SGCZ: variants seen among roughly 807,000 people sequenced by gnomAD.
SGCZ encodes the protein zeta-sarcoglycan.
SGCZ carries 40 observed loss-of-function variants against 41.3 expected under a neutral mutation model. The observed-to-expected ratio is 0.97, with a 90% CI of 0.75 to 1.26. The LOEUF (loss-of-function observed/expected upper bound fraction) is 1.26, where lower values mean the gene tolerates loss of function less well. Ranked by LOEUF, SGCZ falls within the 50% of genes most tolerant of loss-of-function variation. The pLI is 0.00. For missense variants in SGCZ, 552 were observed against 369.8 expected, an observed-to-expected ratio of 1.49 and a Z score of -4.04; for synonymous variants, 206 against 137.5, an observed-to-expected ratio of 1.50 and a Z score of -3.49.
At chr8:15,130,856 T>G (rs1297117123) in intron 1 of SGCZ, among the ~76,000 whole-genome samples, 3 of 152,158 alleles carry the variant, frequency 2.0e-5, no homozygotes, top group Admixed American at 6.6e-5. Context: ...CTACAAAATC[T>G]ATAAAGTTGA....
rs1798962803 is a variant in SGCZ, at chr8:15,143,767, C to CTTTAA, written c.39+93817_39+93818insTTAAA. On this transcript the variant is annotated intron_variant, in intron 1 of 7. Transcript: ENST00000382080. ...TTTATCTGTGGTCAATCTATTATTA[C>CTTTAA]CTTTTTTTTTTTTTTTTTTTTTTTT... is the stretch of plus-strand genomic sequence containing the variant. 2.7e-4 allele frequency among the ~76,000 whole-genome samples: 2 copies of CTTTAA among 7,396 alleles called. 1 individual carries two copies. The highest frequency in any genetic ancestry group is 0.045 in the Non-Finnish European group (2 of 44). The allele number at this position is 7,396 out of a possible 152,430, so 4.9% of individuals were successfully genotyped here.
At chr8:14,997,440 G>C (rs1263504429) in intron 1 of SGCZ, among the ~76,000 whole-genome samples, 1 of 152,186 alleles carries the variant, frequency 6.6e-6, no homozygotes, top group African/African-American at 2.4e-5. Context: ...ATTTCTGTAA[G>C]TGAATTAATC....
At chr8:14,590,878 T>C (rs921250339) in intron 1 of SGCZ, among the ~76,000 whole-genome samples, 10 of 148,868 alleles carry the variant, frequency 6.7e-5, no homozygotes, top group African/African-American at 1.7e-4. Context: ...AAAGTACTTA[T>C]ACTATATATG....
chr8:14,305,505 T>C (rs1278245762), intron 3 of SGCZ, among the ~76,000 whole-genome samples: 1 of 152,200 alleles, frequency 6.6e-6, no homozygotes, highest in Non-Finnish European at 1.5e-5. Context: ...TTTTATTTGA[T>C]TTTGAATTTC....
chr8:14,808,043 A>C (rs1323079121), intron 1 of SGCZ, among the ~76,000 whole-genome samples: 7 of 152,088 alleles, frequency 4.6e-5, no homozygotes, highest in African/African-American at 7.2e-5. Flanking sequence ...GAAAGCTGAA[A>C]CTGGATCCCT....
rs1406800359 is a variant in SGCZ at position 14,821,455 on chromosome 8, C to A, written c.40-266529G>T. ...AAAACTAAAGATGAGGGAAAACTTC[C>A]AAACTCTTTATGAGGCCAGCATTAT... On this transcript the variant is annotated intron_variant, in intron 1 of 7. Transcript: ENST00000382080. Among the ~76,000 whole-genome samples, 3 of 151,866 alleles carry A rather than the reference C, an allele frequency of 2.0e-5. No homozygotes were observed. The East Asian group carries it at 5.8e-4, about 29-fold the overall frequency.
Position 14,952,599 on chromosome 8 carries a change from A to AATG in SGCZ, c.39+284983_39+284985dup, listed in dbSNP as rs1246899650. Among the ~76,000 whole-genome samples, 7 of 152,302 alleles carry AATG rather than the reference A, an allele frequency of 4.6e-5. No individual in the cohort carries two copies. The East Asian group carries it at 1.3e-3, about 29-fold the overall frequency. Reference sequence around the variant, plus strand: ...CTAGCAAATAATACAATGATTTTGCAATGATGCTTGTTAGTAGAACTATGG... The same window carrying AATG: ...CTAGCAAATAATACAATGATTTTGCAATGATGATGCTTGTTAGTAGAACTATGG... On this transcript the variant is annotated intron_variant, in intron 1 of 7. Coordinates refer to ENST00000382080, the MANE Select transcript of SGCZ (RefSeq NM_139167.4).
At chr8:14,124,581 A>G (rs544334960) in intron 5 of SGCZ, among the ~76,000 whole-genome samples, 1 of 152,342 alleles carries the variant, frequency 6.6e-6, no homozygotes, top group Admixed American at 6.5e-5. Context: ...CAAATTGATT[A>G]TAACATCAAT....
chr8:14,171,369 G>C (rs1804376589), intron 4 of SGCZ, among the ~76,000 whole-genome samples: 2 of 151,664 alleles, frequency 1.3e-5, no homozygotes, highest in African/African-American at 4.8e-5. Flanking sequence ...ATGAAGAGTT[G>C]GTGCAAAGTT....
chr8:14,283,809 A>G lies in SGCZ; in HGVS notation c.336+40294T>C, dbSNP rs569233547. 2.0e-5 allele frequency among the ~76,000 whole-genome samples: 3 copies of G among 152,346 alleles called. No individual in the cohort carries two copies. The South Asian group carries it at 6.2e-4, about 32-fold the overall frequency. On this transcript the variant is annotated intron_variant, in intron 3 of 7. Coordinates refer to ENST00000382080, the MANE Select transcript of SGCZ (RefSeq NM_139167.4). ...CACAACAGCAGCCATAGGCAGTGCC[A>G]TCAACCAATGTCCACTGCTACTTTA...
chr8:14,693,714 C>G (rs1203954651), intron 1 of SGCZ, among the ~76,000 whole-genome samples: 4 of 151,132 alleles, frequency 2.6e-5, no homozygotes, highest in African/African-American at 7.3e-5. Context: ...CCTCAGCCCC[C>G]CAAGTAGCTG....
intron 1 of SGCZ, among the ~76,000 whole-genome samples, chr8:14,624,005 A>C (rs1806367437): frequency 6.6e-6 from 1 of 152,162 alleles, no homozygotes; most frequent in Admixed American, 6.6e-5. Context: ...TTCAGGTATA[A>C]AGTCCTAACG....
At chr8:14,275,657 T>G (rs889677756) in intron 3 of SGCZ, among the ~76,000 whole-genome samples, 2 of 152,174 alleles carry the variant, frequency 1.3e-5, no homozygotes, top group Non-Finnish European at 2.9e-5. Flanking sequence ...CGGACACTGA[T>G]AGGCAACTCT....
chr8:15,108,271 A>AT (rs1253394812), intron 1 of SGCZ, among the ~76,000 whole-genome samples: 2 of 151,886 alleles, frequency 1.3e-5, no homozygotes, highest in Non-Finnish European at 2.9e-5. Flanking sequence ...GTTCTCAGTT[A>AT]TTTTTTTTAG....
intron 5 of SGCZ, among the ~76,000 whole-genome samples, chr8:14,116,467 T>C (rs867547408): frequency 1.3e-5 from 2 of 152,130 alleles, no homozygotes; most frequent in South Asian, 4.1e-4. Context: ...CCTTAATATG[T>C]AATTGTCATT....
At position 14,111,057 on chromosome 8, in the gene SGCZ, TAATAAC is replaced by T. The variant is rs1367190542; in HGVS notation, c.548-2828_548-2823del. Among the ~76,000 whole-genome samples, 17 of 46,522 alleles carry T rather than the reference TAATAAC, an allele frequency of 3.7e-4. No individual in the cohort carries two copies. The East Asian group carries it at 0.019, about 52-fold the overall frequency. The allele number at this position is 46,522 out of a possible 152,430, so 30.5% of individuals were successfully genotyped here. A position where few individuals can be genotyped will look rare whatever the true frequency, so the allele number is the denominator to read the frequency against. The stretch of plus-strand genomic sequence containing the variant: ...CAACAAACGGAGACTATATTAAAAA[TAATAAC>T]AACAACAACAACAACAAACTTTAAA... On this transcript the variant is annotated intron_variant, in intron 5 of 7. Coordinates refer to ENST00000382080, the MANE Select transcript of SGCZ (RefSeq NM_139167.4).
In SGCZ at chr8:14,320,383, G is replaced by A. The variant is rs1242286487; in HGVS notation, c.336+3720C>T. On this transcript the variant is annotated intron_variant, in intron 3 of 7. Coordinates refer to ENST00000382080, the MANE Select transcript of SGCZ (RefSeq NM_139167.4). The stretch of plus-strand genomic sequence containing the variant: ...AGGAGATTAGCATGTCATGTAATCA[G>A]GAAAGACATTTGCTGTGCTCGCCTG... Among the ~76,000 whole-genome samples, 18 of 151,594 alleles carry A rather than the reference G, an allele frequency of 1.2e-4. No homozygotes were observed. In the Admixed American group the frequency reaches 1.2e-3, roughly 10 times the overall value.
Position 15,050,173 on chromosome 8 carries a change from T to A in SGCZ, c.39+187412A>T, listed in dbSNP as rs137899996. ...GGTAACAGAAAATGATAAACAATAGTGTCTATTTTTCTGGCTTAGACTCCT... is the reference window on the plus strand; with the variant it reads ...GGTAACAGAAAATGATAAACAATAGAGTCTATTTTTCTGGCTTAGACTCCT... On this transcript the variant is annotated intron_variant, in intron 1 of 7. Transcript: ENST00000382080. 1.1e-3 allele frequency among the ~76,000 whole-genome samples: 166 copies of A among 152,214 alleles called. 1 individual carries two copies. Among genetic ancestry groups the A allele is most frequent in the African/African-American group, 3.9e-3 (162 of 41,530 alleles).
intron 6 of SGCZ, among the ~76,000 whole-genome samples, chr8:14,103,866 C>CTATT (rs1395334566): frequency 2.0e-5 from 3 of 152,122 alleles, no homozygotes; most frequent in Non-Finnish European, 4.4e-5. Flanking sequence ...ATAAAATTTA[C>CTATT]TATTAGCATT....
Sources: gnomAD v4.1 joint callset for allele counts (sites outside exome capture counted in the v4.1 genomes callset) on GRCh38, gnomAD v4.1.1 for gene constraint, MANE v1.5 for transcripts, NCBI Gene and HGNC (gene_info 2026-07-23, HGNC 2026-07-21) for gene names.